Variants in TNS3 observed in about 807,000 individuals in gnomAD.
TNS3 encodes tensin 3, also known as tensin-3.
Under a neutral mutation model 140.9 loss-of-function variants are expected in TNS3, and 45 were observed. That is an observed-to-expected ratio of 0.32 (90% CI 0.25 to 0.41). The LOEUF is 0.41. TNS3 is among the 10% of genes least tolerant of loss of function. TNS3 has a pLI of 1.00. For synonymous variants in TNS3, 815 were observed against 788.4 expected, an observed-to-expected ratio of 1.03 and a Z score of -0.56; for missense variants, 1,716 against 1,906.7, an observed-to-expected ratio of 0.90 and a Z score of 1.86.
intron 23 of TNS3, 36 bp from the exon 24 acceptor site, chr7:47,297,249 C>A (rs780966239): frequency 2.5e-6 from 4 of 1,587,500 alleles, no homozygotes; most frequent in Non-Finnish European, 3.4e-6. Flanking sequence ...GAAGGTCTGC[C>A]GGGTGGACAA....
intron 17 of TNS3, among the ~76,000 whole-genome samples, chr7:47,353,992 AACACACACACACACACAC>A (rs10598998): frequency 3.5e-5 from 5 of 143,398 alleles, no homozygotes; most frequent in East Asian, 2.1e-4. Flanking sequence ...CAGAGGACAA[AACACACACACACACACAC>A]ACACACACAC....
chr7:47,465,679 C>T (rs929841490), intron 4 of TNS3, among the ~76,000 whole-genome samples: 12 of 152,150 alleles, frequency 7.9e-5, no homozygotes, highest in African/African-American at 2.7e-4. Flanking sequence ...AATCCCAGCA[C>T]TTTGGGAGGC....
At chr7:47,571,831 T>C (rs60341046) in intron 1 of TNS3, among the ~76,000 whole-genome samples, 2 of 152,216 alleles carry the variant, frequency 1.3e-5, no homozygotes, top group Admixed American at 6.5e-5. Context: ...TGTCTAGCCC[T>C]GTCAGCATGC....
At chr7:47,552,341 G>C (rs61314363) in intron 1 of TNS3, among the ~76,000 whole-genome samples, 1 of 152,168 alleles carries the variant, frequency 6.6e-6, no homozygotes, top group Non-Finnish European at 1.5e-5. Context: ...CTCCGTTGCA[G>C]AAATCAACAA....
At chr7:47,471,594 A>T (rs1050863155) in intron 4 of TNS3, among the ~76,000 whole-genome samples, 2 of 152,200 alleles carry the variant, frequency 1.3e-5, no homozygotes, top group African/African-American at 4.8e-5. Flanking sequence ...AGTTCGAATG[A>T]CAGTTCATCA....
chr7:47,295,264 CTCA>C (rs1183058164), intron 24 of TNS3, among the ~76,000 whole-genome samples: 1 of 152,192 alleles, frequency 6.6e-6, no homozygotes, highest in Non-Finnish European at 1.5e-5. Flanking sequence ...GTTATATACT[CTCA>C]TCTAGATTCC....
At chr7:47,578,492 G>A (rs900142575) in intron 1 of TNS3, among the ~76,000 whole-genome samples, 1 of 151,750 alleles carries the variant, frequency 6.6e-6, no homozygotes, top group African/African-American at 2.4e-5. Context: ...GCAACTCCCA[G>A]CGAGGGTAGG....
At chr7:47,384,800 G>T (rs546573593) in intron 16 of TNS3, among the ~76,000 whole-genome samples, 5 of 152,294 alleles carry the variant, frequency 3.3e-5, no homozygotes, top group Admixed American at 3.3e-4. Flanking sequence ...GATCCATGGT[G>T]CTTCCTCTCC....
At chr7:47,455,354 CAGA>C (rs1334091374) in intron 4 of TNS3, among the ~76,000 whole-genome samples, 1 of 152,168 alleles carries the variant, frequency 6.6e-6, no homozygotes, top group Non-Finnish European at 1.5e-5. Context: ...CCTCCACACC[CAGA>C]AGGGCACAGC....
chr7:47,561,553 G>A (rs1800320120), intron 1 of TNS3, among the ~76,000 whole-genome samples: 1 of 152,100 alleles, frequency 6.6e-6, no homozygotes, highest in Non-Finnish European at 1.5e-5. Flanking sequence ...GAAGCTCATA[G>A]CCAAATCATG....
intron 13 of TNS3, among the ~76,000 whole-genome samples, chr7:47,410,429 G>T (rs1793703473): frequency 6.6e-6 from 1 of 152,362 alleles, no homozygotes; most frequent in Non-Finnish European, 1.5e-5. Context: ...CCCAGCTGTT[G>T]TTCCAGACCT....
intron 20 of TNS3, among the ~76,000 whole-genome samples, chr7:47,306,967 A>G (rs1163045794): frequency 6.6e-6 from 1 of 152,240 alleles, no homozygotes; most frequent in African/African-American, 2.4e-5. Flanking sequence ...AGACCTTGGT[A>G]GAGAAAAAGT....
Position 47,320,989 on chromosome 7 carries a change from T to G in TNS3, c.2651-15986A>C, listed in dbSNP as rs539339162. On this transcript the variant is annotated intron_variant, in intron 20 of 30. Coordinates refer to ENST00000311160, the MANE Select transcript of TNS3 (RefSeq NM_022748.12). Reference sequence around the variant, plus strand: ...GACGAGGAAGAAATGAAAACTGACATGAGGCATGTGGCTTTTGAGGAGACC... The same window carrying G: ...GACGAGGAAGAAATGAAAACTGACAGGAGGCATGTGGCTTTTGAGGAGACC... Among the ~76,000 whole-genome samples, 3 of 152,328 alleles carry G rather than the reference T, an allele frequency of 2.0e-5. No individual in the cohort carries two copies. The East Asian group carries it at 5.8e-4, about 29-fold the overall frequency.
chr7:47,501,248 T>G (rs1262947956), intron 3 of TNS3, among the ~76,000 whole-genome samples: 1 of 151,802 alleles, frequency 6.6e-6, no homozygotes, highest in African/African-American at 2.4e-5. Flanking sequence ...AAGAATTTAT[T>G]AGGCCTTGTT....
intron 2 of TNS3, among the ~76,000 whole-genome samples, chr7:47,516,181 G>A (rs1386013697): frequency 6.6e-6 from 1 of 152,168 alleles, no homozygotes; most frequent in Non-Finnish European, 1.5e-5. Flanking sequence ...GTCTATTTGG[G>A]GAGTGGTCTC....
At chr7:47,417,445 C>A (rs370816472) in intron 10 of TNS3, among the ~76,000 whole-genome samples, 1 of 152,226 alleles carries the variant, frequency 6.6e-6, no homozygotes, top group Non-Finnish European at 1.5e-5. Flanking sequence ...AGTCCAGGGC[C>A]ACAAGCCCAG....
intron 1 of TNS3, among the ~76,000 whole-genome samples, chr7:47,570,931 G>A (rs1800537230): frequency 1.3e-5 from 2 of 152,086 alleles, no homozygotes; most frequent in African/African-American, 4.8e-5. Context: ...CACAGAATGT[G>A]AGCAGATGAA....
chr7:47,510,734 G>A (rs986102900), intron 2 of TNS3, among the ~76,000 whole-genome samples: 7 of 151,876 alleles, frequency 4.6e-5, no homozygotes, highest in Admixed American at 1.3e-4. Context: ...AATTAGCTGG[G>A]CATGATGATG....
intron 2 of TNS3, among the ~76,000 whole-genome samples, chr7:47,525,685 GACGCATGC>G (rs1457283979): frequency 2.6e-5 from 4 of 151,682 alleles, no homozygotes; most frequent in Admixed American, 6.5e-5. Flanking sequence ...CATTCACTCA[GACGCATGC>G]ACGCATGCAC....
Sources: gnomAD v4.1 joint callset for allele counts (sites outside exome capture counted in the v4.1 genomes callset) on GRCh38, gnomAD v4.1.1 for gene constraint, MANE v1.5 for transcripts, NCBI Gene and HGNC (gene_info 2026-07-23, HGNC 2026-07-21) for gene names.